SEPTIN9: variants seen among roughly 807,000 people sequenced by gnomAD.
SEPTIN9 encodes septin 9, also known as septin-9.
A neutral mutation model predicts 56.6 loss-of-function variants in SEPTIN9; 13 were observed. That is an observed-to-expected ratio of 0.23 (90% CI 0.15 to 0.37). The LOEUF is 0.37. SEPTIN9 is among the 10% of genes least tolerant of loss of function. The pLI, the probability that SEPTIN9 is intolerant of heterozygous loss-of-function variation, is 1.00. For missense variants in SEPTIN9, 650 were observed against 823.1 expected, an observed-to-expected ratio of 0.79 and a Z score of 2.57; for synonymous variants, 332 against 334.1, an observed-to-expected ratio of 0.99 and a Z score of 0.07.
At chr17:77,336,589 TG>T (rs1218130158) in intron 2 of SEPTIN9, among the ~76,000 whole-genome samples, 2 of 152,252 alleles carry the variant, frequency 1.3e-5, no homozygotes, top group Non-Finnish European at 2.9e-5. Context: ...AATAGATTTT[TG>T]TATGTAAATC....
In SEPTIN9 at chr17:77,492,236, G is replaced by T. The variant is rs917179209; in HGVS notation, c.1381-385G>T. Among the ~76,000 whole-genome samples the T allele has an allele frequency of 2.6e-5, 4 of 152,104 alleles. No homozygotes were observed. The highest frequency in any genetic ancestry group is 4.4e-5 in the Non-Finnish European group (3 of 68,006). ...CGGGCTGCTGGCAGGGAGCTGAGAG[G>T]TTACTGCAGGCGGGGCCCCTGCTGG... On this transcript the variant is annotated intron_variant, in intron 8 of 11. Coordinates refer to ENST00000427177, the MANE Select transcript of SEPTIN9 (RefSeq NM_001113491.2). The surrounding 1 kb of genome is among the most constrained non-coding windows in gnomAD (Gnocchi z 5.4).
chr17:77,294,709 A>C (rs1390048762), intron 1 of SEPTIN9: 3 of 152,858 alleles, frequency 2.0e-5, no homozygotes, highest in Non-Finnish European at 4.4e-5. Flanking sequence ...TTTTGACTCC[A>C]CATTGAAGGA....
intron 2 of SEPTIN9, among the ~76,000 whole-genome samples, chr17:77,399,453 C>T (rs1188011226): frequency 6.6e-6 from 1 of 152,116 alleles, no homozygotes; most frequent in Non-Finnish European, 1.5e-5. Context: ...ACAGTTTGGA[C>T]AGTGCTCAGG....
At chr17:77,471,884 C>T (rs1165235592) in intron 3 of SEPTIN9, among the ~76,000 whole-genome samples, 1 of 152,114 alleles carries the variant, frequency 6.6e-6, no homozygotes, top group Non-Finnish European at 1.5e-5. Flanking sequence ...AGGGCCATTC[C>T]CTGACCCTCC....
intron 1 of SEPTIN9, among the ~76,000 whole-genome samples, chr17:77,303,749 G>T (rs1271403968): frequency 6.6e-6 from 1 of 151,934 alleles, no homozygotes; most frequent in African/African-American, 2.4e-5. Flanking sequence ...GCCAGGCACT[G>T]TGCTAGTACT....
chr17:77,395,332 C>A (rs1474374695), intron 2 of SEPTIN9, among the ~76,000 whole-genome samples: 1 of 151,974 alleles, frequency 6.6e-6, no homozygotes, highest in African/African-American at 2.4e-5. Flanking sequence ...TTGAGACCAT[C>A]CTGGCTAACA....
At position 77,499,004 on chromosome 17, in the gene SEPTIN9, G is replaced by T. The variant is rs1398007777; in HGVS notation, c.*346G>T. 1 of 540,786 alleles carries T rather than the reference G, an allele frequency of 1.8e-6. No homozygotes were observed. The highest frequency in any genetic ancestry group is 3.9e-5 in the East Asian group (1 of 25,814). 33.5% of individuals were successfully genotyped at this position (540,786 alleles called of 1,614,324 possible). On this transcript the variant is annotated 3_prime_UTR_variant, in exon 12 of 12. Coordinates refer to ENST00000427177, the MANE Select transcript of SEPTIN9 (RefSeq NM_001113491.2). ...CGTCTGTGTGGGGTTCTCAGTGCCG[G>T]AGGCCTTGGGGTGGGGGCCAGGCCT...
At chr17:77,366,643 G>A (rs1191854907) in intron 2 of SEPTIN9, among the ~76,000 whole-genome samples, 2 of 152,054 alleles carry the variant, frequency 1.3e-5, no homozygotes, top group Non-Finnish European at 1.5e-5. Context: ...CCCTGCCCCT[G>A]CCACTTGCTC....
chr17:77,462,522 A>G (rs942020076), intron 3 of SEPTIN9, among the ~76,000 whole-genome samples: 1 of 152,186 alleles, frequency 6.6e-6, no homozygotes, highest in Non-Finnish European at 1.5e-5. Context: ...GGGCTCGAGC[A>G]ATCCTCCTGC....
At chr17:77,495,610 C>A (rs891825517) in intron 10 of SEPTIN9, among the ~76,000 whole-genome samples, 1 of 152,200 alleles carries the variant, frequency 6.6e-6, no homozygotes, top group Non-Finnish European at 1.5e-5. Flanking sequence ...GTAACTTGCC[C>A]GAGCCAGGGA....
At chr17:77,423,844 GGA>G (rs2144234127) in intron 3 of SEPTIN9, among the ~76,000 whole-genome samples, 1 of 152,308 alleles carries the variant, frequency 6.6e-6, no homozygotes, top group East Asian at 1.9e-4. Context: ...CAGAGAGAGG[GGA>G]GGAAAGATCT....
In SEPTIN9 at chr17:77,400,696, T is replaced by G. The variant is rs1306903784; in HGVS notation, c.77-1363T>G. The G allele has an allele frequency of 6.6e-6, 1 of 152,508 alleles. No individual in the cohort carries two copies. Among genetic ancestry groups the G allele is most frequent in the African/African-American group, 2.4e-5 (1 of 41,398 alleles). The allele number at this position is 152,508 out of a possible 1,614,324, so 9.4% of individuals were successfully genotyped here. A position where few individuals can be genotyped will look rare whatever the true frequency, so the allele number is the denominator to read the frequency against. On this transcript the variant is annotated intron_variant, in intron 2 of 11. Coordinates refer to ENST00000427177, the MANE Select transcript of SEPTIN9 (RefSeq NM_001113491.2). The surrounding 1 kb of genome is among the most constrained non-coding windows in gnomAD (Gnocchi z 4.1). ...CAGGGGAGGCAGTGGTGGGATCCCA[T>G]GAGACCCGGACTCTGTGGCCTGGTG...
At chr17:77,489,055 AAG>A (rs1290027676) in intron 7 of SEPTIN9, among the ~76,000 whole-genome samples, 191 bp downstream of exon 7, 3 of 33,446 alleles carry the variant, frequency 9.0e-5, no homozygotes, top group Non-Finnish European at 1.7e-4. Flanking sequence ...ACCCCTATGC[AAG>A]TGTCCTGCCC....
At chr17:77,446,366 CTTT>C (rs886990745) in intron 3 of SEPTIN9, 3 of 151,768 alleles carry the variant, frequency 2.0e-5, no homozygotes, top group Non-Finnish European at 1.5e-5. Context: ...CTGCCTTCCT[CTTT>C]TTTTTTTTTG....
At chr17:77,356,560 G>T (rs942865832) in intron 2 of SEPTIN9, among the ~76,000 whole-genome samples, 6 of 150,216 alleles carry the variant, frequency 4.0e-5, no homozygotes, top group African/African-American at 2.5e-5. Flanking sequence ...AGTGTCCTTG[G>T]TAGAGAACTG....
At chr17:77,473,868 C>G (rs2039105858) in intron 3 of SEPTIN9, among the ~76,000 whole-genome samples, 1 of 152,176 alleles carries the variant, frequency 6.6e-6, no homozygotes, top group African/African-American at 2.4e-5. Context: ...TGTTATGGTC[C>G]TGGTCCACTA....
intron 1 of SEPTIN9, among the ~76,000 whole-genome samples, chr17:77,300,844 A>C (rs865828095): frequency 1.1e-4 from 3 of 27,180 alleles, no homozygotes; most frequent in Non-Finnish European, 2.0e-4. Context: ...AAGCGCCCCC[A>C]CCCCAGGCTC....
intron 6 of SEPTIN9, 28 bp from the exon 7 acceptor site, chr17:77,488,699 T>A: frequency 1.2e-6 from 2 of 1,612,798 alleles, no homozygotes; most frequent in African/African-American, 2.7e-5. Context: ...CTCATGTGCC[T>A]GCTGACTCGT....
intron 2 of SEPTIN9, among the ~76,000 whole-genome samples, chr17:77,314,299 C>T (rs1017049461): frequency 2.6e-5 from 4 of 151,476 alleles, no homozygotes; most frequent in Non-Finnish European, 4.4e-5. Context: ...GCCTCAGCCT[C>T]CCAAGTAGCT....
Sources: allele counts gnomAD v4.1 joint callset (sites outside exome capture counted in the v4.1 genomes callset), GRCh38; gene constraint gnomAD v4.1.1; non-coding constraint Gnocchi (gnomAD v3.1); transcripts MANE v1.5; gene names NCBI Gene and HGNC (gene_info 2026-07-23, HGNC 2026-07-21).